Variants in ASTN2 observed in about 807,000 individuals in gnomAD.
The protein encoded by ASTN2 is astrotactin 2.
A neutral mutation model predicts 139.8 loss-of-function variants in ASTN2; 54 were observed. The ratio of observed to expected loss-of-function variants is 0.39; its 90% CI spans 0.31 to 0.48. The LOEUF is 0.48. Ranked by LOEUF, ASTN2 falls within the 20% of genes least tolerant of loss-of-function variation. The probability of loss-of-function intolerance (pLI) is 0.95; values close to 1 mark genes in which losing one functional copy is unlikely to be tolerated. For missense variants in ASTN2, 1,565 were observed against 1,725.1 expected, an observed-to-expected ratio of 0.91 and a Z score of 1.64; for synonymous variants, 756 against 719.5, an observed-to-expected ratio of 1.05 and a Z score of -0.81.
At chr9:116,999,988 G>A (rs1045561466) in intron 7 of ASTN2, among the ~76,000 whole-genome samples, 2 of 152,152 alleles carry the variant, frequency 1.3e-5, no homozygotes, top group South Asian at 2.1e-4. Context: ...TAGCAGAGAT[G>A]ATATCATATT....
intron 19 of ASTN2, among the ~76,000 whole-genome samples, chr9:116,513,579 T>C (rs553071718): frequency 6.6e-6 from 1 of 152,198 alleles, no homozygotes; most frequent in Non-Finnish European, 1.5e-5. Context: ...CTTCTGGATA[T>C]TATCCTGCAG....
chr9:116,515,559 C>G (rs1850610582), intron 19 of ASTN2, among the ~76,000 whole-genome samples: 1 of 152,188 alleles, frequency 6.6e-6, no homozygotes, highest in East Asian at 1.9e-4. Flanking sequence ...AAGGGCATTA[C>G]TGAGACTCAG....
intron 3 of ASTN2, among the ~76,000 whole-genome samples, chr9:117,157,987 C>T (rs1310802707): frequency 7.2e-5 from 11 of 151,964 alleles, no homozygotes; most frequent in African/African-American, 4.8e-5. Flanking sequence ...TTTATTAAGC[C>T]ACATGGCATG....
intron 13 of ASTN2, among the ~76,000 whole-genome samples, chr9:116,792,231 A>G (rs2028495): frequency 0.84 from 127,460 of 152,076 alleles, 53,622 homozygotes; most frequent in East Asian, 0.98. Context: ...CTTACTTTCT[A>G]TCCCCAGTCA....
intron 4 of ASTN2, among the ~76,000 whole-genome samples, chr9:117,117,627 C>T (rs59996731): frequency 0.02 from 3,067 of 152,228 alleles, 94 homozygotes; most frequent in Middle Eastern, 0.075. Context: ...TCATCAGCAC[C>T]CCCTACCCCA....
At chr9:117,319,377 A>T (rs1447632131) in intron 1 of ASTN2, among the ~76,000 whole-genome samples, 2 of 152,172 alleles carry the variant, frequency 1.3e-5, no homozygotes, top group Non-Finnish European at 2.9e-5. Context: ...ACTTGACTCA[A>T]CTGTAAAATG....
chr9:116,510,182 T>C (rs1850307406), intron 19 of ASTN2, among the ~76,000 whole-genome samples: 1 of 152,226 alleles, frequency 6.6e-6, no homozygotes, highest in Non-Finnish European at 1.5e-5. Context: ...TTAATTTTTG[T>C]ATAAGGTGTA....
intron 10 of ASTN2, among the ~76,000 whole-genome samples, chr9:116,918,403 T>G (rs1470969746): frequency 2.6e-5 from 4 of 151,910 alleles, no homozygotes; most frequent in Admixed American, 1.3e-4. Flanking sequence ...GGGGATGGAG[T>G]CAGCAGGTTG....
At chr9:117,013,551 G>T (rs1837593362) in intron 6 of ASTN2, among the ~76,000 whole-genome samples, 1 of 150,934 alleles carries the variant, frequency 6.6e-6, no homozygotes, top group Non-Finnish European at 1.5e-5. Context: ...TGGATTTTCA[G>T]TTCAGCCCAA....
At chr9:117,293,443 GTA>G (rs1491418236) in intron 1 of ASTN2, among the ~76,000 whole-genome samples, 2 of 127,362 alleles carry the variant, frequency 1.6e-5, no homozygotes, top group African/African-American at 5.0e-5. Flanking sequence ...TGAGAACATA[GTA>G]AGTTATTAGG....
intron 5 of ASTN2, among the ~76,000 whole-genome samples, chr9:117,056,818 G>C (rs773750966): frequency 6.6e-6 from 1 of 152,184 alleles, no homozygotes; most frequent in African/African-American, 2.4e-5. Flanking sequence ...AATTTAGGAA[G>C]TCAATAAGAA....
intron 5 of ASTN2, among the ~76,000 whole-genome samples, chr9:117,073,261 C>T (rs1828184752): frequency 6.6e-6 from 1 of 152,144 alleles, no homozygotes; most frequent in Non-Finnish European, 1.5e-5. Flanking sequence ...GGCTGACCTC[C>T]CCCACAACTC....
intron 16 of ASTN2, among the ~76,000 whole-genome samples, chr9:116,683,297 G>T (rs1860002137): frequency 6.6e-6 from 1 of 152,034 alleles, no homozygotes; most frequent in African/African-American, 2.4e-5. Context: ...GTATAAATAT[G>T]TTATTAGTAT....
chr9:116,431,685 T>C (rs546147627), intron 22 of ASTN2, among the ~76,000 whole-genome samples: 1 of 150,094 alleles, frequency 6.7e-6, no homozygotes, highest in East Asian at 2.0e-4. Flanking sequence ...CTACAATTTA[T>C]TGAGCACCCA....
chr9:116,941,328 T>C (rs951318464), intron 10 of ASTN2, among the ~76,000 whole-genome samples: 4 of 152,154 alleles, frequency 2.6e-5, no homozygotes, highest in African/African-American at 7.2e-5. Context: ...TTAAGTCTTT[T>C]ATTCTGGAAT....
chr9:117,120,685 C>G (rs1829535843), intron 4 of ASTN2, among the ~76,000 whole-genome samples: 1 of 152,170 alleles, frequency 6.6e-6, no homozygotes, highest in Admixed American at 6.5e-5. Flanking sequence ...ATCCTCCTCT[C>G]ATTGTTTCTT....
At chr9:117,268,986 T>A (rs1833998361) in intron 2 of ASTN2, among the ~76,000 whole-genome samples, 2 of 152,188 alleles carry the variant, frequency 1.3e-5, no homozygotes, top group Non-Finnish European at 2.9e-5. Context: ...AATACCTACT[T>A]CGCATGGCTG....
At chr9:116,457,206 ATAAT>A (rs1206276869) in intron 20 of ASTN2, among the ~76,000 whole-genome samples, 1 of 152,194 alleles carries the variant, frequency 6.6e-6, no homozygotes, top group Non-Finnish European at 1.5e-5. Flanking sequence ...TCAAATCAAA[ATAAT>A]TAAAAAAGTT....
chr9:117,143,873 G>A (rs1830131674), intron 3 of ASTN2, among the ~76,000 whole-genome samples: 1 of 151,964 alleles, frequency 6.6e-6, no homozygotes, highest in Non-Finnish European at 1.5e-5. Context: ...TCAGATCAGG[G>A]CCCCTTCTTA....
Sources: gnomAD v4.1 joint callset for allele counts (sites outside exome capture counted in the v4.1 genomes callset) on GRCh38, gnomAD v4.1.1 for gene constraint, MANE v1.5 for transcripts, NCBI Gene and HGNC (gene_info 2026-07-23, HGNC 2026-07-21) for gene names.